DDX54: variants seen among roughly 807,000 people sequenced by gnomAD.
The protein encoded by DDX54 is DEAD-box helicase 54.
Under a neutral mutation model 105.5 loss-of-function variants are expected in DDX54, and 67 were observed. That is an observed-to-expected ratio of 0.64 (90% CI 0.52 to 0.78). DDX54 has a LOEUF of 0.78. Among genes scored for constraint, DDX54 ranks in the 30% least tolerant of loss-of-function variants. The pLI is 0.00. For synonymous variants in DDX54, 514 were observed against 509.9 expected (o/e 1.01, Z -0.11); for missense variants, 1,206 against 1,230.5 (o/e 0.98, Z 0.30).
chr12:113,178,864 C>A (rs1952434298), intron 5 of DDX54, 113 bp downstream of exon 5: 1 of 1,399,672 alleles, frequency 7.1e-7, no homozygotes. Context: ...TTTGAATGAG[C>A]ACAGAAGCTG....
In DDX54 at chr12:113,169,849, A is replaced by C. The variant is rs1952315999; in HGVS notation, c.1335T>G (p.Asp445Glu). 6.2e-7 allele frequency: 1 copy of C among 1,613,962 alleles called. No homozygotes were observed. The highest frequency in any genetic ancestry group is 1.1e-5 in the South Asian group (1 of 91,086). The change falls in exon 12 of 20, where the codon GAT becomes GAG. Residue 445 changes from aspartate (D) to glutamate (E), a missense_variant. By Grantham distance (45) the Asp-to-Glu change is conservative. Coordinates refer to ENST00000306014, the MANE Select transcript of DDX54 (RefSeq NM_024072.4). The part of the protein sequence containing the change: ...SGTAYSLVAP[D>E]EIPYLLDLHL... ...GCAGATCCAGCAGGTAGGGGATTTC[A>C]TCAGGGGCCACCAAGGAGTAGGCTG... is the stretch of plus-strand genomic sequence containing the variant.
chr12:113,177,072 G>A lies in DDX54; in HGVS notation c.636C>T (p.Ala212=), dbSNP rs1454727572. The A allele has an allele frequency of 6.2e-7, 1 of 1,614,078 alleles. No individual in the cohort carries two copies. Among genetic ancestry groups the A allele is most frequent in the East Asian group, 2.2e-5 (1 of 44,890 alleles). Residue 212 remains alanine (A), a synonymous_variant, in exon 6 of 20, where the codon GCC becomes GCT. Transcript: ENST00000306014. ...CTCACATGTCGGGATTTTCGTGCAG[G>A]GCTGCAAACTGGTCTTCCATCCTAG... ...GGDRMEDQFA[A]LHENPDIIIA... is the part of the protein sequence containing the mutation.
chr12:113,162,912 C>T lies in DDX54; in HGVS notation c.2195+20G>A, dbSNP rs1592997985. 5 of 1,560,988 alleles carry T rather than the reference C, an allele frequency of 3.2e-6. No homozygotes were observed. The highest frequency in any genetic ancestry group is 1.7e-4 in the Middle Eastern group (1 of 5,804). On this transcript the variant is annotated intron_variant, in intron 17 of 19. Coordinates refer to ENST00000306014, the MANE Select transcript of DDX54 (RefSeq NM_024072.4). ...GTCACTCACCCCGAGCATGGAGGGG[C>T]GGCTCACTCGATCACTCACCACTTG...
chr12:113,161,496 G>A (rs1952205753), intron 18 of DDX54, 114 bp from the exon 19 acceptor site: 2 of 803,850 alleles, frequency 2.5e-6, no homozygotes, highest in Non-Finnish European at 4.0e-6. Flanking sequence ...GAAGCTGCTC[G>A]GCCCCGCCCC....
chr12:113,181,291 C>G (rs1468971540), intron 1 of DDX54, among the ~76,000 whole-genome samples: 2 of 148,608 alleles, frequency 1.3e-5, no homozygotes, highest in Non-Finnish European at 3.0e-5. Flanking sequence ...AAAGTAAGTA[C>G]ATTTTTTTTT....
At chr12:113,167,609 C>G (rs938673722) in intron 12 of DDX54, among the ~76,000 whole-genome samples, 1 of 152,170 alleles carries the variant, frequency 6.6e-6, no homozygotes, top group Non-Finnish European at 1.5e-5. Flanking sequence ...GGTCGGAAAC[C>G]GAACCCTGCA....
intron 11 of DDX54, among the ~76,000 whole-genome samples, chr12:113,171,552 C>T (rs575507313): frequency 2.3e-4 from 35 of 149,436 alleles, no homozygotes; most frequent in African/African-American, 7.9e-4. Context: ...TGCAGTGAGC[C>T]GAGATCACAC....
chr12:113,174,154 G>A (rs1210690947), intron 10 of DDX54, among the ~76,000 whole-genome samples: 1 of 151,642 alleles, frequency 6.6e-6, no homozygotes, highest in African/African-American at 2.4e-5. Context: ...ACTCCAGCCT[G>A]GGCGACAGAG....
rs998025542 is a variant in DDX54, at chr12:113,161,907, G to A, written c.2286C>T (p.Ser762=). The A allele has an allele frequency of 1.2e-6, 2 of 1,611,236 alleles. No homozygotes were observed. The highest frequency in any genetic ancestry group is 1.7e-5 in the Admixed American group (1 of 59,886). ...CCTCAGGATACAGGTCTCGCTTGTA[G>A]GAGCTGCTGATGTAGCGGCCGCTCT... ...KTESGRYISS[S]YKRDLYQKWK... The change falls in exon 18 of 20, where the codon TCC becomes TCT. Residue 762 remains serine, a synonymous_variant. Transcript: ENST00000306014.
chr12:113,185,385 T>C lies in DDX54; in HGVS notation c.67A>G (p.Lys23Glu). The C allele has an allele frequency of 6.4e-7, 1 of 1,565,102 alleles. No homozygotes were observed. Among genetic ancestry groups the C allele is most frequent in the Non-Finnish European group, 8.6e-7 (1 of 1,158,144 alleles). The change falls in exon 1 of 20, where the codon AAG becomes GAG. Residue 23 changes from lysine (K) to glutamate (E), a missense_variant. Around this residue, in one of 3 missense-constraint regions of DDX54, gnomAD observed 212 missense variants for 155.4 expected, o/e 1.36. Coordinates refer to ENST00000306014, the MANE Select transcript of DDX54 (RefSeq NM_024072.4). Reference protein sequence around the residue: ...SRAAMAQWRKKKGLRKRRGAA... With the variant: ...SRAAMAQWRKEKGLRKRRGAA... ...CCTCGGCGCTTCCGGAGCCCTTTCT[T>C]CTTCCTCCACTGGGCCATGGCAGCT...
In DDX54 at chr12:113,185,395, C is replaced by A; in HGVS notation, c.57G>T (p.Gln19His). The A allele has an allele frequency of 6.4e-7, 1 of 1,558,948 alleles. No individual in the cohort carries two copies. The change falls in exon 1 of 20, where the codon CAG (glutamine) becomes CAT (histidine). Residue 19 changes from glutamine to histidine, a missense_variant. Transcript: ENST00000306014. ...AGPRSRAAMAQWRKKKGLRKR... is the reference protein window; with the variant it reads ...AGPRSRAAMAHWRKKKGLRKR... Reference sequence around the variant, plus strand: ...TCCGGAGCCCTTTCTTCTTCCTCCACTGGGCCATGGCAGCTCGCGACCGAG... The same window carrying A: ...TCCGGAGCCCTTTCTTCTTCCTCCAATGGGCCATGGCAGCTCGCGACCGAG...
At chr12:113,174,535 A>C in intron 10 of DDX54, 105 bp downstream of exon 10, 2 of 1,466,250 alleles carry the variant, frequency 1.4e-6, no homozygotes, top group South Asian at 2.7e-5. Context: ...GCCCAGGCCC[A>C]GGCTCCTGGT....
chr12:113,157,251 C>T lies in DDX54; in HGVS notation c.*1626G>A. 3.9e-6 allele frequency: 1 copy of T among 258,462 alleles called. No homozygotes were observed. The highest frequency in any genetic ancestry group is 7.4e-6 in the Non-Finnish European group (1 of 135,414). The allele number at this position is 258,462 out of a possible 1,614,324, so 16.0% of individuals were successfully genotyped here. The stretch of plus-strand genomic sequence containing the variant: ...TAATTAAAACAAAAGGAGAGCCACC[C>T]ACGGAGATAAGAGTAGGTCACAAAC... On this transcript the variant is annotated 3_prime_UTR_variant, in exon 20 of 20. Coordinates refer to ENST00000306014, the MANE Select transcript of DDX54 (RefSeq NM_024072.4).
Position 113,158,999 on chromosome 12 carries a change from G to C in DDX54, c.2524C>G (p.Leu842Val). ...AGCTGCTTGAGGCCACCACGCTGCA[G>C]GAAGTGCAGCTTCTGGGCCCGGCGC... ...QRRRAQKLHF[L>V]QRGGLKQLSA... The change falls in exon 20 of 20, where the codon CTG becomes GTG. Residue 842 changes from leucine to valine, a missense_variant. Coordinates refer to ENST00000306014, the MANE Select transcript of DDX54 (RefSeq NM_024072.4). This position sits in a 1 kb window ranked among gnomAD's most constrained non-coding sequence, Gnocchi z 4.9. 6.2e-7 allele frequency: 1 copy of C among 1,611,844 alleles called. No homozygotes were observed. Among genetic ancestry groups the C allele is most frequent in the Non-Finnish European group, 8.5e-7 (1 of 1,179,340 alleles).
chr12:113,161,223 A>T (rs976692421), intron 19 of DDX54, 47 bp downstream of exon 19: 1 of 1,506,120 alleles, frequency 6.6e-7, no homozygotes, highest in Admixed American at 1.8e-5. Context: ...TCTGACCACA[A>T]CTGCTCTGCC....
intron 10 of DDX54, 54 bp from the exon 11 acceptor site, chr12:113,172,617 AAAGGAAG>A (rs1952354722): frequency 7.5e-6 from 12 of 1,592,882 alleles, no homozygotes; most frequent in Non-Finnish European, 1.0e-5. Flanking sequence ...AGGAGAAAGG[AAAGGAAG>A]CCAGACCATG....
chr12:113,177,144 C>G lies in DDX54; in HGVS notation c.615-51G>C, dbSNP rs754372249. 5.9e-5 allele frequency: 95 copies of G among 1,598,796 alleles called. 4 individuals carry two copies. The Middle Eastern group carries it at 1.0e-3, about 17-fold the overall frequency. On this transcript the variant is annotated intron_variant, in intron 5 of 19. Coordinates refer to ENST00000306014, the MANE Select transcript of DDX54 (RefSeq NM_024072.4). ...TGATAGAACAGGTCTCTTTGGTTTC[C>G]CTTCCCATAACCAAATGTCCAGGCA...
rs185682984 is a variant in DDX54 at position 113,159,162 on chromosome 12, C to T, written c.2414-53G>A. 1,811 of 1,519,808 alleles carry T rather than the reference C, an allele frequency of 1.2e-3. 16 individuals are homozygous for T. The African/African-American group carries it at 0.02, about 17-fold the overall frequency. The allele number at this position is 1,519,808 out of a possible 1,614,324, so 94.1% of individuals were successfully genotyped here. ...AGCTGTTGGGATCACTCCCAAGATC[C>T]CCTCCTCCCAGAAGCTTGCAGACTC... is the stretch of plus-strand genomic sequence containing the variant. On this transcript the variant is annotated intron_variant, in intron 19 of 19. Transcript: ENST00000306014.
chr12:113,165,872 C>T lies in DDX54; in HGVS notation c.1575G>A (p.Ala525=), dbSNP rs201808844. The T allele has an allele frequency of 5.7e-5, 92 of 1,613,560 alleles. No individual in the cohort carries two copies. Among genetic ancestry groups the T allele is most frequent in the Non-Finnish European group, 7.2e-5 (85 of 1,179,948 alleles). Residue 525 remains alanine (A), a synonymous_variant, in exon 13 of 20, where the codon GCG becomes GCA. Transcript: ENST00000306014. ...AQQQYVRSRP[A]PSPESIKRAK... ...CCCTCTTGATGGACTCAGGCGAGGG[C>T]GCCGGGCGTGAGCGCACATACTGCT...
Sources: gnomAD v4.1 joint callset for allele counts (sites outside exome capture counted in the v4.1 genomes callset) on GRCh38, gnomAD v4.1.1 for gene constraint, gnomAD v4.1.1 regional missense constraint, Gnocchi (gnomAD v3.1) non-coding constraint, MANE v1.5 for transcripts, NCBI Gene and HGNC (gene_info 2026-07-23, HGNC 2026-07-21) for gene names.